FGGY: variants seen among roughly 807,000 people sequenced by gnomAD.
FGGY encodes FGGY carbohydrate kinase domain-containing protein.
Under a neutral mutation model 71.3 loss-of-function variants are expected in FGGY, and 72 were observed. The ratio of observed to expected loss-of-function variants is 1.01; its 90% confidence interval spans 0.84 to 1.23. The LOEUF is 1.23. FGGY is among the 50% of genes most tolerant of loss of function. The pLI is 0.00. For missense variants in FGGY, 668 were observed against 682.3 expected, an observed-to-expected ratio of 0.98 and a Z score of 0.23; for synonymous variants, 251 against 250.3, an observed-to-expected ratio of 1.00 and a Z score of -0.02.
At chr1:59,325,331 T>G (rs538677454) in intron 2 of FGGY, among the ~76,000 whole-genome samples, 6 of 151,762 alleles carry the variant, frequency 4.0e-5, no homozygotes, top group African/African-American at 1.4e-4. Context: ...CACTCCAGCC[T>G]GGGAGACAGA....
chr1:59,535,108 A>G (rs565294366), intron 7 of FGGY, among the ~76,000 whole-genome samples: 2 of 152,336 alleles, frequency 1.3e-5, no homozygotes, highest in East Asian at 3.9e-4. Flanking sequence ...AGAGACACAC[A>G]TAGACTCAAA....
chr1:59,324,730 C>G (rs1005906627), intron 2 of FGGY, among the ~76,000 whole-genome samples: 5 of 152,100 alleles, frequency 3.3e-5, no homozygotes, highest in Non-Finnish European at 5.9e-5. Flanking sequence ...ATGCTCTGTC[C>G]CTTGTCTCTC....
At chr1:59,470,721 A>T (rs1262941790) in intron 6 of FGGY, among the ~76,000 whole-genome samples, 1 of 152,234 alleles carries the variant, frequency 6.6e-6, no homozygotes, top group Non-Finnish European at 1.5e-5. Flanking sequence ...GATGCCATCC[A>T]TAGTTGTGGG....
chr1:59,655,662 A>G, intron 11 of FGGY, among the ~76,000 whole-genome samples: 1 of 152,192 alleles, frequency 6.6e-6, no homozygotes, highest in East Asian at 1.9e-4. Context: ...ACATTAAGAA[A>G]ATGAACATTT....
intron 6 of FGGY, among the ~76,000 whole-genome samples, chr1:59,491,144 T>TC (rs1558109411): frequency 7.4e-6 from 1 of 134,692 alleles, no homozygotes; most frequent in Non-Finnish European, 1.6e-5. Context: ...CCTTCCTTCC[T>TC]TTCTCTCTTT....
In FGGY at chr1:59,699,306, T is replaced by C. The variant is rs1306463754; in HGVS notation, c.1512+25173T>C. On this transcript the variant is annotated intron_variant, in intron 14 of 15. Coordinates refer to ENST00000303721, the MANE Select transcript of FGGY (RefSeq NM_018291.5). Reference sequence around the variant, plus strand: ...AAATTAAAAATTCAATTAGAGATACTAAATTGTTTGTAGCTTCTGTATTAA... The same window carrying C: ...AAATTAAAAATTCAATTAGAGATACCAAATTGTTTGTAGCTTCTGTATTAA... 5.1e-6 allele frequency: 5 copies of C among 984,386 alleles called. No homozygotes were observed. In the African/African-American group the frequency reaches 8.7e-5, roughly 17 times the overall value. The allele number at this position is 984,386 out of a possible 1,614,324, so 61.0% of individuals were successfully genotyped here.
At chr1:59,537,982 C>A (rs1353087645) in intron 7 of FGGY, among the ~76,000 whole-genome samples, 1 of 152,026 alleles carries the variant, frequency 6.6e-6, no homozygotes, top group African/African-American at 2.4e-5. Context: ...GCAACAAAAG[C>A]CAAAATTGAC....
intron 1 of FGGY, among the ~76,000 whole-genome samples, chr1:59,303,008 T>G (rs1232285111): frequency 6.6e-6 from 1 of 152,190 alleles, no homozygotes; most frequent in Non-Finnish European, 1.5e-5. Context: ...TATTGAGGTA[T>G]GACTGATGAG....
At position 59,757,884 on chromosome 1, in the gene FGGY, G is replaced by A. The variant is rs776971934; in HGVS notation, c.1513-47G>A. 4.9e-6 allele frequency: 7 copies of A among 1,419,924 alleles called. No individual in the cohort carries two copies. The African/African-American group carries it at 8.5e-5, about 17-fold the overall frequency. The allele number at this position is 1,419,924 out of a possible 1,614,324, so 88.0% of individuals were successfully genotyped here. A position where few individuals can be genotyped will look rare whatever the true frequency, so the allele number is the denominator to read the frequency against. On this transcript the variant is annotated intron_variant, in intron 14 of 15. Transcript: ENST00000303721. ...TTTGCCTGTGACAAGCCTCGCTTTG[G>A]ATTTCGCTTTCCAACTCAGCTGTCT...
chr1:59,740,725 A>G (rs2098140274), intron 14 of FGGY, among the ~76,000 whole-genome samples: 1 of 152,250 alleles, frequency 6.6e-6, no homozygotes, highest in African/African-American at 2.4e-5. Flanking sequence ...TACTGCCTCT[A>G]ACAGCCCACT....
chr1:59,484,599 ATAAT>A (rs1313380202), intron 6 of FGGY, among the ~76,000 whole-genome samples: 6 of 152,216 alleles, frequency 3.9e-5, no homozygotes, highest in African/African-American at 1.2e-4. Flanking sequence ...GCATCAGTAA[ATAAT>A]GCCTCCATGA....
chr1:59,466,245 GA>G, intron 6 of FGGY, among the ~76,000 whole-genome samples: 1 of 152,148 alleles, frequency 6.6e-6, no homozygotes, highest in Non-Finnish European at 1.5e-5. Flanking sequence ...ACAAAAACAA[GA>G]AATGGGGAAA....
chr1:59,509,854 G>A (rs1028241087), intron 6 of FGGY, among the ~76,000 whole-genome samples: 4 of 152,144 alleles, frequency 2.6e-5, no homozygotes. Context: ...ACTTGGAAGA[G>A]TGCCCCACCC....
At chr1:59,746,367 T>TA (rs2098197849) in intron 14 of FGGY, among the ~76,000 whole-genome samples, 1 of 152,238 alleles carries the variant, frequency 6.6e-6, no homozygotes, top group African/African-American at 2.4e-5. Flanking sequence ...TGGCAACACT[T>TA]ACCTTTCAAT....
intron 14 of FGGY, among the ~76,000 whole-genome samples, chr1:59,701,603 C>G (rs1006814696): frequency 5.3e-5 from 8 of 152,084 alleles, no homozygotes; most frequent in African/African-American, 1.9e-4. Context: ...GTGTGCTATG[C>G]CTCAGCTTTG....
intron 7 of FGGY, among the ~76,000 whole-genome samples, chr1:59,547,155 A>C (rs1247396131): frequency 1.3e-5 from 2 of 148,698 alleles, no homozygotes; most frequent in African/African-American, 5.0e-5. Context: ...GTTTCACCAT[A>C]TTAGCCAGGC....
At chr1:59,504,645 CCCT>C (rs2094331423) in intron 6 of FGGY, among the ~76,000 whole-genome samples, 1 of 152,088 alleles carries the variant, frequency 6.6e-6, no homozygotes, top group South Asian at 2.1e-4. Context: ...CAGAGTTTTT[CCCT>C]CAACAGCCTT....
Position 59,607,890 on chromosome 1 carries a change from C to G in FGGY, c.991C>G (p.Gln331Glu). The G allele has an allele frequency of 6.2e-7, 1 of 1,613,892 alleles. No homozygotes were observed. ...TGGGTTCTGGCTGAATGAAGGTGGT[C>G]AGAGCGTTACTGGAAAATTGGTAAG... Reference protein sequence around the residue: ...VPGFWLNEGGQSVTGKLIDHM... With the variant: ...VPGFWLNEGGESVTGKLIDHM... The change falls in exon 9 of 16, where the codon CAG (glutamine) becomes GAG (glutamate). Residue 331 changes from glutamine to glutamate, a missense_variant. Coordinates refer to ENST00000303721, the MANE Select transcript of FGGY (RefSeq NM_018291.5).
chr1:59,402,647 T>G (rs2062124212), intron 5 of FGGY, among the ~76,000 whole-genome samples: 1 of 152,198 alleles, frequency 6.6e-6, no homozygotes, highest in Non-Finnish European at 1.5e-5. Context: ...TGGTAATTAT[T>G]CACTAAGCAG....
Sources: allele counts gnomAD v4.1 joint callset (sites outside exome capture counted in the v4.1 genomes callset), GRCh38; gene constraint gnomAD v4.1.1; transcripts MANE v1.5; gene names NCBI Gene and HGNC (gene_info 2026-07-23, HGNC 2026-07-21).